ERCC4: variants seen among roughly 807,000 people sequenced by gnomAD.
The protein encoded by ERCC4 is ERCC excision repair 4, endonuclease catalytic subunit, also known as DNA repair endonuclease XPF.
Under a neutral mutation model 76.9 loss-of-function variants are expected in ERCC4, and 65 were observed. The ratio of observed to expected loss-of-function variants is 0.84; its 90% CI spans 0.69 to 1.04. The LOEUF (loss-of-function observed/expected upper bound fraction) is 1.04. Ranked by LOEUF, ERCC4 falls within the 50% of genes least tolerant of loss-of-function variation. The pLI is 0.00. For missense variants in ERCC4, 1,214 were observed against 1,128.2 expected, an observed-to-expected ratio of 1.08 and a Z score of -1.09; for synonymous variants, 463 against 410.1, an observed-to-expected ratio of 1.13 and a Z score of -1.56.
At chr16:13,925,656 G>T (rs1017724635) in intron 2 of ERCC4, among the ~76,000 whole-genome samples, 5 of 152,124 alleles carry the variant, frequency 3.3e-5, no homozygotes, top group African/African-American at 1.2e-4. Context: ...ATGAGAACTG[G>T]ATCAAAAGCA....
In ERCC4 at chr16:13,951,828, G is replaced by A. The variant is rs2032634239; in HGVS notation, c.*3481G>A. 1 of 222,870 alleles carries A rather than the reference G, an allele frequency of 4.5e-6. No individual in the cohort carries two copies. The highest frequency in any genetic ancestry group is 2.2e-5 in the African/African-American group (1 of 44,762). 13.8% of individuals were successfully genotyped at this position (222,870 alleles called of 1,614,324 possible). ...TTCCTTTGGCTCAGAAAACTCATTT[G>A]GGGAAATTCTCTTTTGTGTTCAGTT... On this transcript the variant is annotated 3_prime_UTR_variant, in exon 11 of 11. Transcript: ENST00000311895.
In ERCC4 at chr16:13,951,718, T is replaced by A. The variant is rs1460468006; in HGVS notation, c.*3371T>A. 4.5e-6 allele frequency: 1 copy of A among 220,240 alleles called. No homozygotes were observed. Among genetic ancestry groups the A allele is most frequent in the Non-Finnish European group, 9.1e-6 (1 of 109,914 alleles). The allele number at this position is 220,240 out of a possible 1,614,324, so 13.6% of individuals were successfully genotyped here. ...ATAAATGGCCTTCAGTAGGAAAACC[T>A]ACACTAAAGCAAATCCGAAGAAGTG... is the stretch of plus-strand genomic sequence containing the variant. On this transcript the variant is annotated 3_prime_UTR_variant, in exon 11 of 11. Coordinates refer to ENST00000311895, the MANE Select transcript of ERCC4 (RefSeq NM_005236.3).
At chr16:13,937,673 C>T (rs543226063) in intron 8 of ERCC4, 93 bp from the exon 9 acceptor site, 50 of 785,580 alleles carry the variant, frequency 6.4e-5, no homozygotes, top group Middle Eastern at 3.1e-4. Context: ...GTTATTTGAG[C>T]GCTCTAGGTT....
rs397778750 is a variant in ERCC4, at chr16:13,952,292, A to AT, written c.*3953dup. ...TAATTCAAAATCCTGAAAATGTTTC[A>AT]TTTTTTTTGTTTTTGTTATGCAGAA... is the stretch of plus-strand genomic sequence containing the variant. On this transcript the variant is annotated 3_prime_UTR_variant, in exon 11 of 11. Coordinates refer to ENST00000311895, the MANE Select transcript of ERCC4 (RefSeq NM_005236.3). 6.8e-4 allele frequency: 125 copies of AT among 184,282 alleles called. No homozygotes were observed. The highest frequency in any genetic ancestry group is 2.6e-3 in the African/African-American group (111 of 42,526). The allele number at this position is 184,282 out of a possible 1,614,324, so 11.4% of individuals were successfully genotyped here.
rs2032600919 is a variant in ERCC4, at chr16:13,949,996, C to T, written c.*1649C>T. On this transcript the variant is annotated 3_prime_UTR_variant, in exon 11 of 11. Coordinates refer to ENST00000311895, the MANE Select transcript of ERCC4 (RefSeq NM_005236.3). ...TTTTTTTTTGAGACAGAGTCTCCCT[C>T]TGTTGCCCAGGCTGGAGTGCAGTGG... 4.6e-6 allele frequency: 1 copy of T among 218,478 alleles called. No individual in the cohort carries two copies. The highest frequency in any genetic ancestry group is 9.2e-6 in the Non-Finnish European group (1 of 108,882). 13.5% of individuals were successfully genotyped at this position (218,478 alleles called of 1,614,324 possible).
chr16:13,936,639 C>G (rs3136156), intron 8 of ERCC4, among the ~76,000 whole-genome samples: 5 of 152,332 alleles, frequency 3.3e-5, no homozygotes, highest in Admixed American at 6.5e-5. Flanking sequence ...ACTCTATCAA[C>G]GGGAAACTGA....
In ERCC4 at chr16:13,934,381, G is replaced by T. The variant is rs2032242256; in HGVS notation, c.1213+79G>T. The T allele has an allele frequency of 3.2e-6, 3 of 926,210 alleles. No homozygotes were observed. The Admixed American group carries it at 5.1e-5, about 16-fold the overall frequency. 57.4% of individuals were successfully genotyped at this position (926,210 alleles called of 1,614,324 possible). On this transcript the variant is annotated intron_variant, in intron 7 of 10. Transcript: ENST00000311895. The stretch of plus-strand genomic sequence containing the variant: ...TGATTTAATTAGCTCTTTAAAAGTA[G>T]TTCAAGACTAGCCTGACCAACATGG...
intron 4 of ERCC4, among the ~76,000 whole-genome samples, 197 bp from the exon 5 acceptor site, chr16:13,930,513 A>G (rs1481653309): frequency 6.6e-6 from 1 of 152,214 alleles, no homozygotes; most frequent in African/African-American, 2.4e-5. Context: ...TTAGAATTTT[A>G]TTAACTGAAA....
chr16:13,921,666 A>G (rs1238412045), intron 1 of ERCC4, among the ~76,000 whole-genome samples: 1 of 152,190 alleles, frequency 6.6e-6, no homozygotes, highest in Non-Finnish European at 1.5e-5. Context: ...TTCCCTTGTT[A>G]TCATCTCATA....
At chr16:13,946,202 G>C (rs552323564) in intron 10 of ERCC4, among the ~76,000 whole-genome samples, 2 of 152,290 alleles carry the variant, frequency 1.3e-5, no homozygotes, top group Non-Finnish European at 2.9e-5. Flanking sequence ...ACCTAGATAA[G>C]CCAGATAATC....
At chr16:13,920,702 CTG>C (rs1555467174) in intron 1 of ERCC4, among the ~76,000 whole-genome samples, 1 of 151,804 alleles carries the variant, frequency 6.6e-6, no homozygotes, top group Non-Finnish European at 1.5e-5. Flanking sequence ...GTCCCTGACA[CTG>C]TGCGGGGACT....
At chr16:13,927,636 C>T (rs889368251) in intron 3 of ERCC4, 1 of 184,548 alleles carries the variant, frequency 5.4e-6, no homozygotes, top group Non-Finnish European at 1.1e-5. Flanking sequence ...AGTCAACAAA[C>T]TCTTCATGTA....
intron 8 of ERCC4, among the ~76,000 whole-genome samples, chr16:13,937,494 T>G (rs1202239443): frequency 1.3e-5 from 2 of 152,234 alleles, no homozygotes; most frequent in East Asian, 3.8e-4. Flanking sequence ...AGAATTATTC[T>G]ATCCCTCTAG....
At chr16:13,947,479 TTA>T in intron 10 of ERCC4, 133 bp from the exon 11 acceptor site, 1 of 967,456 alleles carries the variant, frequency 1.0e-6, no homozygotes, top group South Asian at 1.5e-5. Context: ...AATATAGAAA[TTA>T]TATGGAATAT....
intron 8 of ERCC4, among the ~76,000 whole-genome samples, chr16:13,936,227 T>A (rs1173558496): frequency 6.6e-6 from 1 of 152,192 alleles, no homozygotes; most frequent in Non-Finnish European, 1.5e-5. Context: ...ATATATCAGA[T>A]GAAACATCTA....
Position 13,930,697 on chromosome 16 carries a change from A to T in ERCC4, c.793-13A>T, listed in dbSNP as rs201159142. ...ACATATTTTAGCAATACCAAATTTTATTCTTGTTTTAGACAATCCGCCATT... is the reference window on the plus strand; with the variant it reads ...ACATATTTTAGCAATACCAAATTTTTTTCTTGTTTTAGACAATCCGCCATT... On this transcript the variant is annotated splice_polypyrimidine_tract_variant and intron_variant, in intron 4 of 10. Coordinates refer to ENST00000311895, the MANE Select transcript of ERCC4 (RefSeq NM_005236.3). 74 of 1,606,668 alleles carry T rather than the reference A, an allele frequency of 4.6e-5. No individual in the cohort carries two copies. In the East Asian group the frequency reaches 1.6e-3, roughly 34 times the overall value.
At chr16:13,942,961 G>C (rs1433592517) in intron 9 of ERCC4, among the ~76,000 whole-genome samples, 1 of 152,198 alleles carries the variant, frequency 6.6e-6, no homozygotes, top group South Asian at 2.1e-4. Context: ...GGCAGCCAGA[G>C]CCATTGCCAT....
At chr16:13,922,381 C>T (rs1567242083) in intron 2 of ERCC4, 170 bp downstream of exon 2, 1 of 760,470 alleles carries the variant, frequency 1.3e-6, no homozygotes, top group Non-Finnish European at 2.4e-6. Context: ...AGGTCTAAAT[C>T]TGGGTGGGGG....
Position 13,934,208 on chromosome 16 carries a change from G to C in ERCC4, c.1119G>C (p.Leu373=), listed in dbSNP as rs2032238464. The part of the protein sequence containing the change: ...IKEGEETKKE[L]VLESNPKWEA... ...TCTCTACAGAAACAAAAAAGGAACT[G>C]GTCCTAGAAAGCAACCCAAAGTGGG... Residue 373 remains leucine (L), a synonymous_variant, in exon 7 of 11, where the codon CTG becomes CTC. Coordinates refer to ENST00000311895, the MANE Select transcript of ERCC4 (RefSeq NM_005236.3). The C allele has an allele frequency of 1.2e-6, 2 of 1,610,272 alleles. No homozygotes were observed. The highest frequency in any genetic ancestry group is 1.7e-6 in the Non-Finnish European group (2 of 1,177,230).
Sources: gnomAD v4.1 joint callset for allele counts (sites outside exome capture counted in the v4.1 genomes callset) on GRCh38, gnomAD v4.1.1 for gene constraint, MANE v1.5 for transcripts, NCBI Gene and HGNC (gene_info 2026-07-23, HGNC 2026-07-21) for gene names.